SDK1: variants seen among roughly 807,000 people sequenced by gnomAD.
SDK1 encodes sidekick cell adhesion molecule 1, also known as protein sidekick-1.
SDK1 carries 157 observed loss-of-function variants against 245.5 expected under a neutral mutation model. That is an observed-to-expected ratio of 0.64 (90% confidence interval 0.56 to 0.73). SDK1 has a LOEUF of 0.73. SDK1 is among the 30% of genes least tolerant of loss of function. The probability of loss-of-function intolerance (pLI) is 0.00; values close to 1 mark genes in which losing one functional copy is unlikely to be tolerated. For synonymous variants in SDK1, 1,647 were observed against 1,278.5 expected (o/e 1.29, Z -6.15); for missense variants, 3,583 against 3,002.3 (o/e 1.19, Z -4.52).
intron 1 of SDK1, among the ~76,000 whole-genome samples, chr7:3,428,507 A>C (rs1375812272): frequency 6.6e-6 from 1 of 152,180 alleles, no homozygotes; most frequent in Non-Finnish European, 1.5e-5. Flanking sequence ...TTATGTTATA[A>C]GGAGGCACAA....
At chr7:3,790,371 A>G (rs565382820) in intron 4 of SDK1, among the ~76,000 whole-genome samples, 1 of 152,286 alleles carries the variant, frequency 6.6e-6, no homozygotes, top group Admixed American at 6.5e-5. Flanking sequence ...TGGCTGCTCA[A>G]TGGCAGGTTC....
chr7:3,597,580 A>G (rs1167509635), intron 1 of SDK1, among the ~76,000 whole-genome samples: 3 of 152,178 alleles, frequency 2.0e-5, no homozygotes, highest in Non-Finnish European at 4.4e-5. Flanking sequence ...TTTTAGGAGG[A>G]AAATAACCTG....
At chr7:3,559,773 A>AC (rs1562563037) in intron 1 of SDK1, among the ~76,000 whole-genome samples, 2 of 146,836 alleles carry the variant, frequency 1.4e-5, no homozygotes, top group African/African-American at 5.1e-5. Flanking sequence ...AAAAAAAAAA[A>AC]CACAAAAATC....
rs530493056 is a variant in SDK1, at chr7:3,907,849, G to A, written c.848-43074G>A. 3.3e-5 allele frequency among the ~76,000 whole-genome samples: 5 copies of A among 152,290 alleles called. No homozygotes were observed. In the East Asian group the frequency reaches 7.7e-4, roughly 24 times the overall value. On this transcript the variant is annotated intron_variant, in intron 5 of 44. Coordinates refer to ENST00000404826, the MANE Select transcript of SDK1 (RefSeq NM_152744.4). ...AGTTCTTGTTTCTTATTGCTCAGCT[G>A]TGTACACCATGTCTACCCAGTGTGA...
intron 22 of SDK1, among the ~76,000 whole-genome samples, chr7:4,096,120 T>A (rs1035049433): frequency 6.6e-6 from 1 of 152,178 alleles, no homozygotes; most frequent in Non-Finnish European, 1.5e-5. Context: ...TTTCCTCTCT[T>A]CAAAAGTCCA....
intron 35 of SDK1, among the ~76,000 whole-genome samples, chr7:4,201,381 G>A (rs912831492): frequency 6.6e-6 from 1 of 152,114 alleles, no homozygotes; most frequent in African/African-American, 2.4e-5. Context: ...ATTTCCCATA[G>A]TTCCTTAGGA....
chr7:4,074,473 G>C (rs1328399735), intron 20 of SDK1, among the ~76,000 whole-genome samples: 1 of 152,146 alleles, frequency 6.6e-6, no homozygotes, highest in Non-Finnish European at 1.5e-5. Flanking sequence ...CAATTTCAAA[G>C]GTGTGTTGTG....
chr7:4,049,064 G>A (rs570469770), intron 17 of SDK1, among the ~76,000 whole-genome samples: 18 of 152,286 alleles, frequency 1.2e-4, no homozygotes, highest in East Asian at 1.9e-4. Flanking sequence ...CTTGCCGTCC[G>A]TCTTGGAACC....
At chr7:3,613,129 G>C (rs1781658174) in intron 1 of SDK1, among the ~76,000 whole-genome samples, 3 of 152,148 alleles carry the variant, frequency 2.0e-5, no homozygotes, top group Admixed American at 2.0e-4. Flanking sequence ...GCCGTTGAAG[G>C]GTTTCAGATG....
chr7:3,812,905 G>C (rs1455376435), intron 4 of SDK1, among the ~76,000 whole-genome samples: 2 of 152,260 alleles, frequency 1.3e-5, no homozygotes, highest in East Asian at 3.9e-4. Flanking sequence ...GTTTCTGTTG[G>C]TTTGAAATCA....
chr7:3,666,778 CT>C (rs1783547831), intron 4 of SDK1, among the ~76,000 whole-genome samples: 1 of 152,180 alleles, frequency 6.6e-6, no homozygotes, highest in Non-Finnish European at 1.5e-5. Context: ...GAGAGACATC[CT>C]TTAATGATGT....
At chr7:3,999,872 C>T (rs1328293008) in intron 14 of SDK1, among the ~76,000 whole-genome samples, 1 of 152,188 alleles carries the variant, frequency 6.6e-6, no homozygotes, top group Non-Finnish European at 1.5e-5. Context: ...GTGCATCATT[C>T]CTGGCTGAAA....
At position 3,449,748 on chromosome 7, in the gene SDK1, G is replaced by A. The variant is rs112480624; in HGVS notation, c.298+147864G>A. Among the ~76,000 whole-genome samples, 287 of 152,298 alleles carry A rather than the reference G, an allele frequency of 1.9e-3. 1 individual carries two copies. The highest frequency in any genetic ancestry group is 6.4e-3 in the African/African-American group (267 of 41,558). On this transcript the variant is annotated intron_variant, in intron 1 of 44. Coordinates refer to ENST00000404826, the MANE Select transcript of SDK1 (RefSeq NM_152744.4). ...AGAGACCTGTGTAACTAGTTTGTTC[G>A]TTCATTTCTTCATTCAGCCAATATT...
intron 5 of SDK1, among the ~76,000 whole-genome samples, chr7:3,832,849 C>T (rs1239489108): frequency 6.6e-6 from 1 of 151,958 alleles, no homozygotes; most frequent in Admixed American, 6.6e-5. Flanking sequence ...TTAGTTCCTT[C>T]CAATCTAGTA....
At chr7:3,623,153 T>C (rs1030593821) in intron 2 of SDK1, among the ~76,000 whole-genome samples, 1 of 152,058 alleles carries the variant, frequency 6.6e-6, no homozygotes, top group Non-Finnish European at 1.5e-5. Context: ...GAGCAAATAC[T>C]ACACATTTAC....
At chr7:4,256,139 C>T (rs923701091) in intron 44 of SDK1, among the ~76,000 whole-genome samples, 9 of 152,066 alleles carry the variant, frequency 5.9e-5, no homozygotes, top group African/African-American at 1.9e-4. Flanking sequence ...AGGCTGGTCT[C>T]GAACTCCTGA....
chr7:3,457,013 G>A (rs1017741441), intron 1 of SDK1, among the ~76,000 whole-genome samples: 9 of 152,162 alleles, frequency 5.9e-5, no homozygotes, highest in Admixed American at 5.2e-4. Flanking sequence ...GGGTGCACAA[G>A]GTGCTTCCGC....
At chr7:3,584,794 G>A (rs981582262) in intron 1 of SDK1, among the ~76,000 whole-genome samples, 1 of 151,538 alleles carries the variant, frequency 6.6e-6, no homozygotes, top group Admixed American at 6.6e-5. Context: ...CGCGATCTGG[G>A]CTCACTTCAA....
intron 1 of SDK1, among the ~76,000 whole-genome samples, chr7:3,429,944 C>T: frequency 6.6e-6 from 1 of 152,164 alleles, no homozygotes; most frequent in Admixed American, 6.5e-5. Context: ...GGCCCAAAAG[C>T]CTATCCGTAT....
Sources: allele counts gnomAD v4.1 joint callset (sites outside exome capture counted in the v4.1 genomes callset), GRCh38; gene constraint gnomAD v4.1.1; transcripts MANE v1.5; gene names NCBI Gene and HGNC (gene_info 2026-07-23, HGNC 2026-07-21).